Variants in PTPN9 observed in about 807,000 individuals in gnomAD.
PTPN9 encodes the protein protein tyrosine phosphatase non-receptor type 9, also known as tyrosine-protein phosphatase non-receptor type 9.
Under a neutral mutation model 69.8 loss-of-function variants are expected in PTPN9, and 26 were observed. That is an observed-to-expected ratio of 0.37 (90% CI 0.27 to 0.52). PTPN9 has a LOEUF of 0.52. PTPN9 is among the 20% of genes least tolerant of loss of function. The probability of loss-of-function intolerance (pLI) is 0.91; values close to 1 mark genes in which losing one functional copy is unlikely to be tolerated. For missense variants in PTPN9, 549 were observed against 740.3 expected, an observed-to-expected ratio of 0.74 and a Z score of 3.00; for synonymous variants, 274 against 272.5, an observed-to-expected ratio of 1.01 and a Z score of -0.05.
chr15:75,572,193 G>A (rs1014326017), intron 1 of PTPN9, among the ~76,000 whole-genome samples: 13 of 151,974 alleles, frequency 8.6e-5, no homozygotes, highest in Middle Eastern at 6.8e-3. Context: ...TAAGCCAGGC[G>A]TGGTGGCAGG....
chr15:75,547,519 A>G (rs2075038840), intron 1 of PTPN9, among the ~76,000 whole-genome samples: 2 of 151,946 alleles, frequency 1.3e-5, no homozygotes, highest in African/African-American at 4.8e-5. Flanking sequence ...TGTGCCATAC[A>G]TTTTCTCATC....
intron 1 of PTPN9, among the ~76,000 whole-genome samples, chr15:75,555,979 C>T (rs1387277821): frequency 1.4e-5 from 2 of 144,632 alleles, no homozygotes; most frequent in Non-Finnish European, 3.0e-5. Context: ...TGGCAGTGAG[C>T]TATGACTGCA....
intron 6 of PTPN9, among the ~76,000 whole-genome samples, chr15:75,507,230 G>A (rs1476309146): frequency 6.6e-6 from 1 of 150,972 alleles, no homozygotes; most frequent in East Asian, 2.0e-4. Flanking sequence ...GATCACCTGA[G>A]GTCAGGAGTT....
intron 1 of PTPN9, among the ~76,000 whole-genome samples, chr15:75,563,419 C>A (rs1467058033): frequency 6.6e-6 from 1 of 152,124 alleles, no homozygotes; most frequent in Non-Finnish European, 1.5e-5. Flanking sequence ...AACTCTTGAC[C>A]TCAAGGGATC....
Position 75,466,575 on chromosome 15 carries a change from AC to A in PTPN9, c.*2193del, listed in dbSNP as rs2141666719. The A allele has an allele frequency of 6.6e-6, 1 of 152,210 alleles. No homozygotes were observed. Among genetic ancestry groups the A allele is most frequent in the South Asian group, 2.1e-4 (1 of 4,828 alleles). 9.4% of individuals were successfully genotyped at this position (152,210 alleles called of 1,614,324 possible). ...TCCTAGCTAGGACAGTCAGTCACCA[AC>A]CCTGTCACCCTTCGCGTCTACTACA... On this transcript the variant is annotated 3_prime_UTR_variant, in exon 13 of 13. Coordinates refer to ENST00000618819, the MANE Select transcript of PTPN9 (RefSeq NM_002833.4).
intron 1 of PTPN9, among the ~76,000 whole-genome samples, chr15:75,536,040 G>A (rs764181520): frequency 2.0e-4 from 31 of 152,012 alleles, no homozygotes; most frequent in Non-Finnish European, 2.6e-4. Flanking sequence ...TCTTAAATAG[G>A]CTCTTACTGC....
intron 1 of PTPN9, among the ~76,000 whole-genome samples, chr15:75,562,584 C>T (rs1036530800): frequency 2.2e-4 from 33 of 152,198 alleles, no homozygotes; most frequent in East Asian, 1.4e-3. Flanking sequence ...GTAATCCCAA[C>T]GCTTTGGGAG....
At chr15:75,491,153 A>T (rs1261917821) in intron 7 of PTPN9, among the ~76,000 whole-genome samples, 1 of 151,970 alleles carries the variant, frequency 6.6e-6, no homozygotes, top group South Asian at 2.1e-4. Flanking sequence ...CTGTAATCCC[A>T]GCACTTTGGG....
rs183802961 is a variant in PTPN9, at chr15:75,521,961, C to G, written c.422+1160G>C. 1.7e-4 allele frequency among the ~76,000 whole-genome samples: 26 copies of G among 152,246 alleles called. No homozygotes were observed. In the East Asian group the frequency reaches 2.9e-3, roughly 17 times the overall value. On this transcript the variant is annotated intron_variant, in intron 4 of 12. Coordinates refer to ENST00000618819, the MANE Select transcript of PTPN9 (RefSeq NM_002833.4). The stretch of plus-strand genomic sequence containing the variant: ...GCTCAGACAATCTGCCCATCTCAGC[C>G]AACCAAAGTGCTAGGATTACAGGCA...
intron 7 of PTPN9, among the ~76,000 whole-genome samples, chr15:75,501,452 TTTTC>T (rs1338886205): frequency 2.1e-3 from 312 of 150,834 alleles, no homozygotes; most frequent in African/African-American, 7.2e-3. Context: ...TTTCCTCTTC[TTTTC>T]TTTCTTTCTT....
At chr15:75,544,608 T>C (rs1325035260) in intron 1 of PTPN9, among the ~76,000 whole-genome samples, 1 of 151,990 alleles carries the variant, frequency 6.6e-6, no homozygotes, top group East Asian at 1.9e-4. Context: ...AAGAGCAACA[T>C]CATCTAGGTT....
intron 1 of PTPN9, among the ~76,000 whole-genome samples, chr15:75,571,263 G>GA (rs1432467178): frequency 3.3e-5 from 5 of 151,506 alleles, no homozygotes; most frequent in African/African-American, 1.2e-4. Flanking sequence ...GTCTCAAAAA[G>GA]AAAAAAACAA....
chr15:75,505,593 G>T, intron 7 of PTPN9, 82 bp downstream of exon 7: 1 of 1,028,270 alleles, frequency 9.7e-7, no homozygotes, highest in Non-Finnish European at 1.5e-6. Flanking sequence ...TGCTAAGCAA[G>T]TGAGGGGTGG....
At chr15:75,489,764 C>G (rs1419071341) in intron 8 of PTPN9, among the ~76,000 whole-genome samples, 1 of 152,162 alleles carries the variant, frequency 6.6e-6, no homozygotes, top group Non-Finnish European at 1.5e-5. Context: ...CATTTCATCT[C>G]TATCCCTAGA....
chr15:75,544,212 C>A (rs928484694), intron 1 of PTPN9, among the ~76,000 whole-genome samples: 3 of 152,020 alleles, frequency 2.0e-5, no homozygotes, highest in African/African-American at 7.3e-5. Context: ...AGAAGAGAAA[C>A]GGAAAAAAAC....
intron 1 of PTPN9, among the ~76,000 whole-genome samples, chr15:75,540,388 A>T (rs866636654): frequency 9.2e-5 from 14 of 152,116 alleles, no homozygotes; most frequent in African/African-American, 3.4e-4. Context: ...CTCTGTCTCT[A>T]CTAAAAATAC....
At chr15:75,521,183 C>A (rs1309150292) in intron 4 of PTPN9, among the ~76,000 whole-genome samples, 1 of 150,380 alleles carries the variant, frequency 6.6e-6, no homozygotes, top group Non-Finnish European at 1.5e-5. Context: ...CGGTGGCTCA[C>A]GCCTGTAATC....
chr15:75,558,542 C>T (rs1184160914), intron 1 of PTPN9, among the ~76,000 whole-genome samples: 5 of 151,976 alleles, frequency 3.3e-5, no homozygotes, highest in Non-Finnish European at 7.4e-5. Flanking sequence ...CACGGTCTCC[C>T]GATCCCTCTC....
At chr15:75,541,665 C>A (rs954715977) in intron 1 of PTPN9, among the ~76,000 whole-genome samples, 2 of 151,830 alleles carry the variant, frequency 1.3e-5, no homozygotes, top group Non-Finnish European at 2.9e-5. Context: ...CTCAGCCTCT[C>A]AAAGTGCTGG....
Sources: gnomAD v4.1 joint callset for allele counts (sites outside exome capture counted in the v4.1 genomes callset) on GRCh38, gnomAD v4.1.1 for gene constraint, MANE v1.5 for transcripts, NCBI Gene and HGNC (gene_info 2026-07-23, HGNC 2026-07-21) for gene names.